Variants in CD36 observed in about 807,000 individuals in gnomAD.
CD36 encodes the protein CD36 molecule (CD36 blood group).
CD36 carries 119 observed loss-of-function variants against 55.2 expected under a neutral mutation model. That is an observed-to-expected ratio of 2.15 (90% confidence interval 1.86 to 2.51). The LOEUF (loss-of-function observed/expected upper bound fraction) is 2.51, where lower values mean the gene tolerates loss of function less well. Ranked by LOEUF, CD36 falls within the 30% of genes most tolerant of loss-of-function variation. The pLI, the probability that CD36 is intolerant of heterozygous loss-of-function variation, is 0.00. For missense variants in CD36, 819 were observed against 555.5 expected, an observed-to-expected ratio of 1.47 and a Z score of -4.77; for synonymous variants, 186 against 193.6, an observed-to-expected ratio of 0.96 and a Z score of 0.33.
intron 3 of CD36, among the ~76,000 whole-genome samples, chr7:80,656,168 G>T (rs1796041007): frequency 6.6e-6 from 1 of 152,102 alleles, no homozygotes; most frequent in African/African-American, 2.4e-5. Flanking sequence ...CAGAGAAGAA[G>T]TTCAACTCAG....
rs1293645753 is a variant in CD36, at chr7:80,674,051, TG to T, written c.1325del (p.Gly442AlafsTer2). The T allele has an allele frequency of 6.2e-7, 1 of 1,611,982 alleles. No homozygotes were observed. The highest frequency in any genetic ancestry group is 1.3e-5 in the African/African-American group (1 of 74,978). ...SQVTGKINLL[G>X]LIEMILLSVG... ...AAGTAACTGGAAAAATAAACCTCCTTGGCCTGATAGAAATGATCTTACTCAG... is the reference window on the plus strand; with the variant it reads ...AAGTAACTGGAAAAATAAACCTCCTTGCCTGATAGAAATGATCTTACTCAG... On this transcript the variant is annotated frameshift_variant, in exon 14 of 15. Transcript: ENST00000447544. LOFTEE classifies it high-confidence loss of function.
Position 80,654,759 on chromosome 7 carries a change from T to C in CD36, c.121-1781T>C, listed in dbSNP as rs17154213. ...AGCGTAGGATTTTGAAATTCCATTT[T>C]AACTTGGTGCCCAGTTCTTCTCTAA... is the stretch of plus-strand genomic sequence containing the variant. On this transcript the variant is annotated intron_variant, in intron 3 of 14. Coordinates refer to ENST00000447544, the MANE Select transcript of CD36 (RefSeq NM_001001548.3). 8.5e-3 allele frequency among the ~76,000 whole-genome samples: 1,298 copies of C among 152,266 alleles called. 61 individuals carry two copies. In the East Asian group the frequency reaches 0.1, roughly 12 times the overall value.
At chr7:80,658,455 G>A (rs960659878) in intron 4 of CD36, among the ~76,000 whole-genome samples, 4 of 151,768 alleles carry the variant, frequency 2.6e-5, no homozygotes, top group Non-Finnish European at 5.9e-5. Context: ...GATTTTTTTT[G>A]TTTGTTTGGG....
intron 10 of CD36, 141 bp from the exon 11 acceptor site, chr7:80,671,781 T>G: frequency 1.4e-6 from 1 of 703,216 alleles, no homozygotes; most frequent in Non-Finnish European, 2.5e-6. Context: ...AGAAATCAAC[T>G]GACATAATTC....
intron 7 of CD36, among the ~76,000 whole-genome samples, chr7:80,665,632 G>A (rs1044803139): frequency 2.6e-5 from 4 of 152,074 alleles, no homozygotes; most frequent in African/African-American, 7.2e-5. Flanking sequence ...GTGGAGGGGA[G>A]TTGCAAAGCA....
chr7:80,610,903 GCTCT>G (rs59398191), intron 1 of CD36, among the ~76,000 whole-genome samples: 11,021 of 151,964 alleles, frequency 0.073, 912 homozygotes, highest in African/African-American at 0.2. Context: ...GACAGGGTCT[GCTCT>G]CTCTGTCAGT....
At position 80,671,928 on chromosome 7, in the gene CD36, C is replaced by G. The variant is rs200534930; in HGVS notation, c.1013C>G (p.Pro338Arg). ...LDISKCKEGR[P>R]VYISLPHFLY... ...TCTTAAAACTTGTCTTCAGGGAGACCTGTGTACATTTCACTTCCTCATTTT... is the reference window on the plus strand; with the variant it reads ...TCTTAAAACTTGTCTTCAGGGAGACGTGTGTACATTTCACTTCCTCATTTT... Residue 338 changes from proline (P) to arginine (R), a missense_variant, in exon 11 of 15, where the codon CCT (proline) becomes CGT (arginine). By Grantham distance (103) the Pro-to-Arg change is moderately radical. Coordinates refer to ENST00000447544, the MANE Select transcript of CD36 (RefSeq NM_001001548.3). The G allele has an allele frequency of 1.9e-6, 3 of 1,611,118 alleles. No homozygotes were observed. Among genetic ancestry groups the G allele is most frequent in the Non-Finnish European group, 2.5e-6 (3 of 1,178,048 alleles).
chr7:80,673,632 T>G (rs1562827525), intron 13 of CD36: 3 of 565,362 alleles, frequency 5.3e-6, no homozygotes, highest in Non-Finnish European at 9.5e-6. Context: ...ACACATTTTC[T>G]TGTTGTAACA....
chr7:80,649,936 A>C (rs1795470236), intron 3 of CD36, among the ~76,000 whole-genome samples: 1 of 152,116 alleles, frequency 6.6e-6, no homozygotes, highest in Admixed American at 6.5e-5. Flanking sequence ...GTTCTCAGGC[A>C]GATGAAAATT....
rs763513155 is a variant in CD36 at position 80,670,979 on chromosome 7, C to T, written c.821C>T (p.Ser274Leu). Residue 274 changes from serine to leucine, a missense_variant and splice_region_variant, in exon 10 of 15, where the codon TCA becomes TTA. Ser to Leu is a moderately radical substitution (Grantham distance 145). Coordinates refer to ENST00000447544, the MANE Select transcript of CD36 (RefSeq NM_001001548.3). ...LQFFSSDICR[S>L]IYAVFESDVN... Reference sequence around the variant, plus strand: ...AGCTCTTTTTTCTCTGTATTTAGGTCAATCTATGCTGTATTTGAATCCGAC... The same window carrying T: ...AGCTCTTTTTTCTCTGTATTTAGGTTAATCTATGCTGTATTTGAATCCGAC... The T allele has an allele frequency of 4.3e-6, 7 of 1,609,724 alleles. No homozygotes were observed. Among genetic ancestry groups the T allele is most frequent in the African/African-American group, 2.7e-5 (2 of 74,822 alleles).
intron 1 of CD36, among the ~76,000 whole-genome samples, chr7:80,610,552 T>TTTTATTTA (rs58416983): frequency 2.6e-5 from 4 of 151,724 alleles, no homozygotes; most frequent in African/African-American, 7.3e-5. Flanking sequence ...GTTATTTTAA[T>TTTTATTTA]TTTATTTATT....
chr7:80,618,820 G>C (rs537487464), intron 1 of CD36, among the ~76,000 whole-genome samples: 86 of 152,310 alleles, frequency 5.6e-4, no homozygotes, highest in South Asian at 3.7e-3. Context: ...TAAAATAAAA[G>C]TGCAAGATAA....
chr7:80,629,239 G>A (rs1793925995), intron 1 of CD36, among the ~76,000 whole-genome samples: 2 of 151,958 alleles, frequency 1.3e-5, no homozygotes, highest in African/African-American at 4.8e-5. Context: ...GTTTGACACA[G>A]GCTGGCTTTC....
At position 80,665,533 on chromosome 7, in the gene CD36, A is replaced by C. The variant is rs564313399; in HGVS notation, c.702-910A>C. 2.7e-5 allele frequency among the ~76,000 whole-genome samples: 4 copies of C among 147,582 alleles called. No individual in the cohort carries two copies. The South Asian group carries it at 6.3e-4, about 23-fold the overall frequency. On this transcript the variant is annotated intron_variant, in intron 7 of 14. Coordinates refer to ENST00000447544, the MANE Select transcript of CD36 (RefSeq NM_001001548.3). Reference sequence around the variant, plus strand: ...AGAAAAAGTCAGTAGAGGGAAAAAAACACTTCTAAGTATTCACTTAAAAGG... The same window carrying C: ...AGAAAAAGTCAGTAGAGGGAAAAAACCACTTCTAAGTATTCACTTAAAAGG...
intron 1 of CD36, among the ~76,000 whole-genome samples, chr7:80,642,394 T>C (rs114581705): frequency 0.017 from 2,567 of 152,248 alleles, 71 homozygotes; most frequent in African/African-American, 0.058. Flanking sequence ...TTTAGACAGC[T>C]AAATTTGGTG....
At chr7:80,648,548 A>G (rs1413320455) in intron 3 of CD36, among the ~76,000 whole-genome samples, 1 of 152,046 alleles carries the variant, frequency 6.6e-6, no homozygotes, top group Non-Finnish European at 1.5e-5. Flanking sequence ...TGCTTATAAT[A>G]GTTAACCATG....
rs752186222 is a variant in CD36, at chr7:80,661,180, C to CA, written c.401dup (p.Asn134LysfsTer30). 5 of 1,613,994 alleles carry CA rather than the reference C, an allele frequency of 3.1e-6. No individual in the cohort carries two copies. In the African/African-American group the frequency reaches 6.7e-5, roughly 22 times the overall value. On this transcript the variant is annotated frameshift_variant, in exon 5 of 15. Transcript: ENST00000447544. LOFTEE classifies it high-confidence loss of function. ...CACTATCAGTTGGAACAGAGGCTGA[C>CA]AACTTCACAGTTCTCAATCTGGCTG...
chr7:80,643,258 C>A (rs1292247822), intron 1 of CD36, among the ~76,000 whole-genome samples: 1 of 152,112 alleles, frequency 6.6e-6, no homozygotes, highest in African/African-American at 2.4e-5. Context: ...GGCATAGAAT[C>A]TGGAGAAGGG....
rs145353886 is a variant in CD36, at chr7:80,618,606, G to A, written c.-184+16227G>A. Among the ~76,000 whole-genome samples the A allele has an allele frequency of 2.0e-5, 3 of 152,282 alleles. No individual in the cohort carries two copies. In the Middle Eastern group the frequency reaches 0.01, roughly 518 times the overall value. On this transcript the variant is annotated intron_variant, in intron 1 of 13. Coordinates refer to the CD36 transcript ENST00000309881. The stretch of plus-strand genomic sequence containing the variant: ...ACACAAAGGATAAGAAAGTCAAACT[G>A]CCTTATTGCTGATATAGAGAAAGTT...
Sources: gnomAD v4.1 joint callset for allele counts (sites outside exome capture counted in the v4.1 genomes callset) on GRCh38, gnomAD v4.1.1 for gene constraint, MANE v1.5 for transcripts, NCBI Gene and HGNC (gene_info 2026-07-23, HGNC 2026-07-21) for gene names.